The following SLIT3 variants were observed in gnomAD, a reference collection of about 807,000 sequenced individuals.
SLIT3 encodes slit homolog 3 protein.
In SLIT3, 68 loss-of-function variants were observed where a neutral mutation model predicts 184.0. The ratio of observed to expected loss-of-function variants is 0.37; its 90% confidence interval spans 0.30 to 0.45. The LOEUF is 0.45. Among genes scored for constraint, SLIT3 ranks in the 20% least tolerant of loss-of-function variants. SLIT3 has a pLI of 1.00. For synonymous variants in SLIT3, 831 were observed against 828.6 expected, an observed-to-expected ratio of 1.00 and a Z score of -0.05; for missense variants, 1,707 against 2,026.0, an observed-to-expected ratio of 0.84 and a Z score of 3.02.
intron 4 of SLIT3, among the ~76,000 whole-genome samples, chr5:168,996,043 A>G (rs1337012550): frequency 6.6e-6 from 1 of 152,198 alleles, no homozygotes; most frequent in African/African-American, 2.4e-5. Context: ...ACTGAGATCA[A>G]TGATATCCAC....
intron 5 of SLIT3, among the ~76,000 whole-genome samples, chr5:168,856,771 G>GTC (rs1044763787): frequency 2.5e-5 from 3 of 121,330 alleles, no homozygotes; most frequent in African/African-American, 1.1e-4. Context: ...TTCCTCGTGT[G>GTC]TGTGTGTGTG....
intron 4 of SLIT3, among the ~76,000 whole-genome samples, chr5:169,138,270 C>T (rs986389631): frequency 1.3e-5 from 2 of 152,190 alleles, no homozygotes; most frequent in Non-Finnish European, 2.9e-5. Context: ...CTGTCCTGGG[C>T]GATGTGACCT....
At chr5:168,912,725 AGAAACTAGGGTT>A (rs1472583989) in intron 4 of SLIT3, among the ~76,000 whole-genome samples, 1 of 152,208 alleles carries the variant, frequency 6.6e-6, no homozygotes, top group Non-Finnish European at 1.5e-5. Flanking sequence ...CATTTTATGA[AGAAACTAGGGTT>A]TGCCCATGGT....
intron 32 of SLIT3, among the ~76,000 whole-genome samples, chr5:168,677,121 G>A (rs2054274): frequency 0.15 from 22,935 of 152,154 alleles, 2,382 homozygotes; most frequent in Non-Finnish European, 0.22. Flanking sequence ...TAGGCTCGAG[G>A]TATAGCCTTC....
At chr5:169,156,619 A>C (rs1001091926) in intron 4 of SLIT3, among the ~76,000 whole-genome samples, 23 of 152,252 alleles carry the variant, frequency 1.5e-4, no homozygotes, top group African/African-American at 4.8e-4. Context: ...ATCACTAAAA[A>C]TACTCACTAA....
At chr5:168,865,243 G>A (rs1345036589) in intron 5 of SLIT3, among the ~76,000 whole-genome samples, 3 of 151,140 alleles carry the variant, frequency 2.0e-5, no homozygotes, top group Admixed American at 2.0e-4. Flanking sequence ...GTATTTACGT[G>A]AGGGAAATGA....
At chr5:168,889,422 A>G (rs570083145) in intron 4 of SLIT3, among the ~76,000 whole-genome samples, 57 of 152,366 alleles carry the variant, frequency 3.7e-4, no homozygotes, top group African/African-American at 1.3e-3. Flanking sequence ...TCAGGGATCC[A>G]GGGAATCAAA....
At chr5:168,969,264 C>A (rs1250533156) in intron 4 of SLIT3, among the ~76,000 whole-genome samples, 3 of 152,120 alleles carry the variant, frequency 2.0e-5, no homozygotes, top group Non-Finnish European at 2.9e-5. Context: ...GTTAAATGAG[C>A]CTCAACCTGA....
chr5:169,145,707 A>G (rs1761901991), intron 4 of SLIT3, among the ~76,000 whole-genome samples: 2 of 152,318 alleles, frequency 1.3e-5, no homozygotes, highest in South Asian at 4.1e-4. Context: ...AATAATGCTC[A>G]AGTCTCAAAG....
intron 4 of SLIT3, among the ~76,000 whole-genome samples, chr5:169,124,111 T>G (rs143335969): frequency 1.1e-3 from 168 of 152,254 alleles, no homozygotes; most frequent in African/African-American, 4.0e-3. Context: ...AGTCTTAAAA[T>G]CTGTAAAGGG....
At chr5:169,165,152 G>T (rs1762596031) in intron 4 of SLIT3, among the ~76,000 whole-genome samples, 1 of 152,238 alleles carries the variant, frequency 6.6e-6, no homozygotes, top group South Asian at 2.1e-4. Flanking sequence ...GGTAACTAAA[G>T]GCACCTGCCT....
chr5:169,057,158 A>T (rs1164171092), intron 4 of SLIT3, among the ~76,000 whole-genome samples: 1 of 152,246 alleles, frequency 6.6e-6, no homozygotes, highest in Non-Finnish European at 1.5e-5. Context: ...GGTAGCTCCC[A>T]CATGTGACCT....
At chr5:168,984,455 T>G (rs1755055830) in intron 4 of SLIT3, among the ~76,000 whole-genome samples, 1 of 152,190 alleles carries the variant, frequency 6.6e-6, no homozygotes, top group South Asian at 2.1e-4. Context: ...ACCCTCTCTT[T>G]TGGCTCACTT....
At chr5:169,156,800 A>T (rs1311195855) in intron 4 of SLIT3, among the ~76,000 whole-genome samples, 1 of 152,216 alleles carries the variant, frequency 6.6e-6, no homozygotes, top group Non-Finnish European at 1.5e-5. Flanking sequence ...CATCACACTG[A>T]GTTGAATTTA....
chr5:169,151,171 C>T (rs1263489819), intron 4 of SLIT3, among the ~76,000 whole-genome samples: 2 of 152,204 alleles, frequency 1.3e-5, no homozygotes, highest in Non-Finnish European at 2.9e-5. Context: ...CCACCCCCTG[C>T]TTCCCACTGA....
intron 1 of SLIT3, among the ~76,000 whole-genome samples, chr5:169,280,488 T>G (rs777025500): frequency 5.9e-5 from 9 of 152,114 alleles, no homozygotes; most frequent in Non-Finnish European, 1.0e-4. Context: ...AGCTGGCCCC[T>G]CGGCTATGTG....
At chr5:168,746,268 T>TGTGGG in intron 20 of SLIT3, among the ~76,000 whole-genome samples, 1 of 149,266 alleles carries the variant, frequency 6.7e-6, no homozygotes, top group South Asian at 2.1e-4. Flanking sequence ...TGTGTGTGGG[T>TGTGGG]GTGGTGATGT....
At chr5:168,753,765 CAG>C (rs1754797918) in intron 17 of SLIT3, 97 bp downstream of exon 17, 2 of 1,391,674 alleles carry the variant, frequency 1.4e-6, no homozygotes, top group Non-Finnish European at 2.0e-6. Context: ...CAGGCCAAGA[CAG>C]TGCCTGGGTC....
At chr5:168,827,396 T>C (rs1757741039) in intron 6 of SLIT3, among the ~76,000 whole-genome samples, 2 of 152,368 alleles carry the variant, frequency 1.3e-5, no homozygotes, top group African/African-American at 2.4e-5. Context: ...GGCTGCTTCA[T>C]TGCGTCACTT....
Sources: allele counts gnomAD v4.1 joint callset (sites outside exome capture counted in the v4.1 genomes callset), GRCh38; gene constraint gnomAD v4.1.1; transcripts MANE v1.5; gene names NCBI Gene and HGNC (gene_info 2026-07-23, HGNC 2026-07-21).